The following TCF12 variants were observed in gnomAD, a reference collection of about 807,000 sequenced individuals.
TCF12 encodes transcription factor 12, also known as DNA-binding protein HTF4.
TCF12 carries 45 observed loss-of-function variants against 86.0 expected under a neutral mutation model. That is an observed-to-expected ratio of 0.52 (90% CI 0.41 to 0.67). The LOEUF (loss-of-function observed/expected upper bound fraction) is 0.67. Ranked by LOEUF, TCF12 falls within the 30% of genes least tolerant of loss-of-function variation. The probability of loss-of-function intolerance (pLI) is 0.00; values close to 1 mark genes in which losing one functional copy is unlikely to be tolerated. For synonymous variants in TCF12, 330 were observed against 299.6 expected (o/e 1.10, Z -1.05); for missense variants, 881 against 859.9 (o/e 1.02, Z -0.31).
chr15:57,223,521 C>G (rs755026162), intron 8 of TCF12, among the ~76,000 whole-genome samples: 1 of 151,658 alleles, frequency 6.6e-6, no homozygotes, highest in African/African-American at 2.4e-5. Flanking sequence ...TTTTTGTCAA[C>G]TTTTGTTTAA....
intron 3 of TCF12, among the ~76,000 whole-genome samples, chr15:56,985,823 AC>A (rs1336883476): frequency 6.6e-6 from 1 of 152,188 alleles, no homozygotes; most frequent in African/African-American, 2.4e-5. Flanking sequence ...GAACTCAGTG[AC>A]TAAAAATTTA....
At chr15:57,264,192 A>G (rs1420637298) in intron 18 of TCF12, among the ~76,000 whole-genome samples, 2 of 38,084 alleles carry the variant, frequency 5.3e-5, no homozygotes, top group Admixed American at 3.2e-4. Flanking sequence ...GTTCTTTTGT[A>G]AGCTTTTTTT....
chr15:56,927,634 T>G (rs2060073506), intron 3 of TCF12, among the ~76,000 whole-genome samples: 3 of 152,230 alleles, frequency 2.0e-5, no homozygotes, highest in Admixed American at 1.3e-4. Flanking sequence ...TGATAAATAA[T>G]GTGGTACTGA....
At chr15:57,255,478 GTT>G (rs1203813803) in intron 16 of TCF12, among the ~76,000 whole-genome samples, 1 of 152,040 alleles carries the variant, frequency 6.6e-6, no homozygotes, top group Non-Finnish European at 1.5e-5. Context: ...TTTTGTTGTT[GTT>G]TTTTGTTTTG....
Position 57,286,556 on chromosome 15 carries a change from G to A in TCF12, c.*411G>A, listed in dbSNP as rs898361000. On this transcript the variant is annotated 3_prime_UTR_variant, in exon 21 of 21. Coordinates refer to ENST00000333725, the MANE Select transcript of TCF12 (RefSeq NM_207037.2). The stretch of plus-strand genomic sequence containing the variant: ...TAAGGTCTACATATAAAGGGAAAAA[G>A]TTAATGTGGAAAGCTGATCTACACT... The A allele has an allele frequency of 4.6e-6, 2 of 433,962 alleles. No homozygotes were observed. The highest frequency in any genetic ancestry group is 9.1e-6 in the Non-Finnish European group (2 of 219,400). 26.9% of individuals were successfully genotyped at this position (433,962 alleles called of 1,614,324 possible).
intron 8 of TCF12, chr15:57,219,626 T>C (rs1566934220): frequency 1.3e-6 from 2 of 1,598,616 alleles, no homozygotes; most frequent in Non-Finnish European, 1.7e-6. Context: ...CTAACTCACT[T>C]GTTTAAAGGA....
chr15:57,147,937 G>C (rs533515543), intron 5 of TCF12, among the ~76,000 whole-genome samples: 2 of 149,944 alleles, frequency 1.3e-5, no homozygotes, highest in Non-Finnish European at 3.0e-5. Context: ...CTGGAGTGCA[G>C]TGGTGTGGTC....
At chr15:57,046,111 A>T (rs2067215764) in intron 3 of TCF12, among the ~76,000 whole-genome samples, 1 of 152,204 alleles carries the variant, frequency 6.6e-6, no homozygotes, top group Non-Finnish European at 1.5e-5. Flanking sequence ...TGTGACAGAG[A>T]CTGTACTTAA....
chr15:57,004,586 T>C (rs2064237790), intron 3 of TCF12, among the ~76,000 whole-genome samples: 1 of 152,122 alleles, frequency 6.6e-6, no homozygotes, highest in Admixed American at 6.5e-5. Flanking sequence ...TTTTTTTGTA[T>C]TTTTAGTAGA....
intron 5 of TCF12, among the ~76,000 whole-genome samples, chr15:57,161,750 G>C (rs1157383807): frequency 2.6e-5 from 4 of 152,078 alleles, no homozygotes; most frequent in Non-Finnish European, 5.9e-5. Context: ...AAATAATCCA[G>C]ACAGTACCTA....
chr15:57,053,803 A>G (rs142207737), intron 3 of TCF12, among the ~76,000 whole-genome samples: 3 of 152,292 alleles, frequency 2.0e-5, no homozygotes, highest in Admixed American at 6.5e-5. Context: ...GACCTGTGCT[A>G]TAGAGATCAA....
Position 57,075,786 on chromosome 15 carries a change from CTTTCTT to C in TCF12, c.222+11965_222+11970del, listed in dbSNP as rs1421345767. ...TCTTTCTTTCTTTCTTTCTTTCTTT[CTTTCTT>C]TCTTTCTTTCTTTCTCTCTCTCTCT... On this transcript the variant is annotated intron_variant, in intron 4 of 20. Coordinates refer to ENST00000333725, the MANE Select transcript of TCF12 (RefSeq NM_207037.2). Among the ~76,000 whole-genome samples, 345 of 56,268 alleles carry C rather than the reference CTTTCTT, an allele frequency of 6.1e-3. 1 individual carries two copies. The highest frequency in any genetic ancestry group is 0.023 in the African/African-American group (323 of 14,056). 36.9% of individuals were successfully genotyped at this position (56,268 alleles called of 152,430 possible).
chr15:57,030,509 G>A (rs2066101803), intron 3 of TCF12, among the ~76,000 whole-genome samples: 1 of 152,092 alleles, frequency 6.6e-6, no homozygotes, highest in African/African-American at 2.4e-5. Flanking sequence ...TGGGATTATA[G>A]GAAAGAGCCA....
At chr15:56,985,619 C>G (rs554103635) in intron 3 of TCF12, among the ~76,000 whole-genome samples, 1 of 152,210 alleles carries the variant, frequency 6.6e-6, no homozygotes, top group East Asian at 1.9e-4. Context: ...AAATTTGAGC[C>G]ATGTAAATTA....
intron 3 of TCF12, among the ~76,000 whole-genome samples, chr15:56,975,808 G>T (rs777697737): frequency 6.6e-6 from 1 of 151,374 alleles, no homozygotes; most frequent in Non-Finnish European, 1.5e-5. Context: ...CGTATTTATC[G>T]CTAAATATAA....
rs1391405328 is a variant in TCF12 at position 56,958,659 on chromosome 15, GAA to G, written c.148+37563_148+37564del. On this transcript the variant is annotated intron_variant, in intron 3 of 20. Coordinates refer to ENST00000333725, the MANE Select transcript of TCF12 (RefSeq NM_207037.2). Reference sequence around the variant, plus strand: ...ATATATACAGTTTGCCTGTATATGAGAAAGAGAGAGAGAGAGAGAGTGTGTGT... The same window carrying G: ...ATATATACAGTTTGCCTGTATATGAGAGAGAGAGAGAGAGAGAGTGTGTGT... Among the ~76,000 whole-genome samples, 938 of 113,126 alleles carry G rather than the reference GAA, an allele frequency of 8.3e-3. 9 individuals are homozygous for G. The highest frequency in any genetic ancestry group is 0.028 in the African/African-American group (893 of 32,114). 74.2% of individuals were successfully genotyped at this position (113,126 alleles called of 152,430 possible). A position where few individuals can be genotyped will look rare whatever the true frequency, so the allele number is the denominator to read the frequency against.
chr15:57,122,317 T>C (rs901744808), intron 5 of TCF12, among the ~76,000 whole-genome samples: 1 of 152,116 alleles, frequency 6.6e-6, no homozygotes, highest in Non-Finnish European at 1.5e-5. Flanking sequence ...TCCTGAAACA[T>C]AATCACTGGA....
rs11296134 is a variant in TCF12 at position 56,931,166 on chromosome 15, GAA to G, written c.148+10076_148+10077del. 2.6e-5 allele frequency among the ~76,000 whole-genome samples: 4 copies of G among 151,092 alleles called. No individual in the cohort carries two copies. The South Asian group carries it at 8.3e-4, about 32-fold the overall frequency. On this transcript the variant is annotated intron_variant, in intron 3 of 20. Transcript: ENST00000333725. The stretch of plus-strand genomic sequence containing the variant: ...TAGAGACTTCATCATTTTAAATACA[GAA>G]AAAAAAATTGTGGTGGACTTGTTTA...
intron 20 of TCF12, among the ~76,000 whole-genome samples, chr15:57,285,449 A>C (rs2061891893): frequency 6.6e-6 from 1 of 152,230 alleles, no homozygotes; most frequent in Non-Finnish European, 1.5e-5. Flanking sequence ...AAATATTCTT[A>C]ATAAATAGCA....
Sources: allele counts gnomAD v4.1 joint callset (sites outside exome capture counted in the v4.1 genomes callset), GRCh38; gene constraint gnomAD v4.1.1; transcripts MANE v1.5; gene names NCBI Gene and HGNC (gene_info 2026-07-23, HGNC 2026-07-21).